The following IFT80 variants were observed in gnomAD, a reference collection of about 807,000 sequenced individuals.
IFT80 encodes intraflagellar transport protein 80 homolog.
IFT80 carries 79 observed loss-of-function variants against 107.9 expected under a neutral mutation model. That is an observed-to-expected ratio of 0.73 (90% CI 0.61 to 0.88). The LOEUF (loss-of-function observed/expected upper bound fraction) is 0.88, where lower values mean the gene tolerates loss of function less well. Ranked by LOEUF, IFT80 falls within the 40% of genes least tolerant of loss-of-function variation. IFT80 has a pLI of 0.00. For synonymous variants in IFT80, 299 were observed against 300.9 expected (o/e 0.99, Z 0.07); for missense variants, 797 against 914.2 (o/e 0.87, Z 1.65).
chr3:160,326,459 T>G (rs1224610067), intron 8 of IFT80, among the ~76,000 whole-genome samples: 1 of 152,014 alleles, frequency 6.6e-6, no homozygotes, highest in African/African-American at 2.4e-5. Flanking sequence ...CAGTAGCACA[T>G]CAAAAAGCTT....
intron 5 of IFT80, among the ~76,000 whole-genome samples, chr3:160,369,121 G>A (rs964967160): frequency 2.6e-5 from 4 of 151,806 alleles, no homozygotes; most frequent in African/African-American, 9.7e-5. Flanking sequence ...GGGACAAAGA[G>A]ATAATTCATT....
At chr3:160,316,353 A>G (rs950421109) in intron 9 of IFT80, among the ~76,000 whole-genome samples, 1 of 152,214 alleles carries the variant, frequency 6.6e-6, no homozygotes, top group Non-Finnish European at 1.5e-5. Flanking sequence ...TTGAGCCTTC[A>G]GATAAAACTA....
chr3:160,356,028 C>G lies in IFT80; in HGVS notation c.762G>C (p.Leu254Phe). ...FAVGSFHTLR[L>F]CDKTGWSYAL... ...TATAACTTACCCCAGTTTTATCACACAAGCGTAAAGTATGAAACGATCCAA... is the reference window on the plus strand; with the variant it reads ...TATAACTTACCCCAGTTTTATCACAGAAGCGTAAAGTATGAAACGATCCAA... The change falls in exon 8 of 20, where the codon TTG becomes TTC. Residue 254 changes from leucine (L) to phenylalanine (F), a missense_variant. Leu to Phe is a conservative substitution (Grantham distance 22). Transcript: ENST00000326448. 6.2e-7 allele frequency: 1 copy of G among 1,614,030 alleles called. No homozygotes were observed.
At chr3:160,261,791 G>C (rs1712857651) in intron 19 of IFT80, among the ~76,000 whole-genome samples, 1 of 138,794 alleles carries the variant, frequency 7.2e-6, no homozygotes, top group Admixed American at 7.3e-5. Context: ...AACAAAGTGA[G>C]ACCCTGTCTC....
chr3:160,322,960 C>A (rs1029506276), intron 8 of IFT80, among the ~76,000 whole-genome samples: 18 of 151,738 alleles, frequency 1.2e-4, no homozygotes, highest in South Asian at 4.2e-4. Flanking sequence ...GAGTAGGTTG[C>A]GAAAATTTTC....
At chr3:160,359,591 C>T (rs1297194058) in intron 6 of IFT80, among the ~76,000 whole-genome samples, 1 of 152,112 alleles carries the variant, frequency 6.6e-6, no homozygotes, top group Admixed American at 6.6e-5. Context: ...CCGATTGACA[C>T]CTCATACAGG....
rs16831186 is a variant in IFT80, at chr3:160,335,097, C to A, written c.778-15158G>T. Among the ~76,000 whole-genome samples the A allele has an allele frequency of 4.5e-3, 677 of 151,758 alleles. 7 individuals are homozygous for A. Among genetic ancestry groups the A allele is most frequent in the African/African-American group, 0.016 (652 of 41,404 alleles). ...CCAGGAACTATCGGATTTCTACTTA[C>A]CCTCACCAGTCTTACCCCAGGATCT... On this transcript the variant is annotated intron_variant, in intron 8 of 19. Transcript: ENST00000326448.
At chr3:160,373,946 T>C (rs1169424025) in intron 5 of IFT80, among the ~76,000 whole-genome samples, 1 of 152,134 alleles carries the variant, frequency 6.6e-6, no homozygotes, top group Non-Finnish European at 1.5e-5. Flanking sequence ...CAGCTACTGG[T>C]CTGTGGCCCA....
chr3:160,294,204 G>C (rs558382776), intron 12 of IFT80, among the ~76,000 whole-genome samples: 12 of 152,130 alleles, frequency 7.9e-5, no homozygotes, highest in South Asian at 6.2e-4. Context: ...AGTCTTGGCA[G>C]GCCTTTGTCC....
At chr3:160,334,593 T>G (rs183332678) in intron 8 of IFT80, among the ~76,000 whole-genome samples, 155 of 152,226 alleles carry the variant, frequency 1.0e-3, no homozygotes, top group Non-Finnish European at 1.4e-3. Flanking sequence ...ATTTTTGTAT[T>G]TTTAGTAGAG....
At chr3:160,363,088 G>T (rs1211294020) in intron 6 of IFT80, among the ~76,000 whole-genome samples, 1 of 152,178 alleles carries the variant, frequency 6.6e-6, no homozygotes, top group African/African-American at 2.4e-5. Flanking sequence ...GTCCCTGTTT[G>T]CAGATGACAC....
chr3:160,319,434 G>C (rs1718046582), intron 9 of IFT80, among the ~76,000 whole-genome samples: 1 of 152,040 alleles, frequency 6.6e-6, no homozygotes, highest in Admixed American at 6.6e-5. Flanking sequence ...CTTGGATTCA[G>C]CTCCAGGAGT....
chr3:160,356,089 G>C lies in IFT80; in HGVS notation c.701C>G (p.Ser234Ter), dbSNP rs369919590. The change falls in exon 8 of 20, where the codon TCA becomes TGA. Residue 234 changes from serine (S) to a stop codon, truncating the protein, a stop_gained. Transcript: ENST00000326448. LOFTEE classifies it high-confidence loss of function. ...TTCTCCATCTGGAGCCCAGGCAACT[G>C]AAGTAATGGGATGCTCATGAGGTTG... ...NSQPHEHPITSVAWAPDGELF... is the reference protein window; with the variant it reads ...NSQPHEHPIT 18 of 1,614,026 alleles carry C rather than the reference G, an allele frequency of 1.1e-5. No individual in the cohort carries two copies. The highest frequency in any genetic ancestry group is 1.5e-5 in the Non-Finnish European group (18 of 1,179,980).
intron 12 of IFT80, among the ~76,000 whole-genome samples, chr3:160,297,572 C>A (rs1171958187): frequency 6.6e-6 from 1 of 151,544 alleles, no homozygotes; most frequent in Non-Finnish European, 1.5e-5. Flanking sequence ...CTATATTCAC[C>A]AAGAAAAATC....
chr3:160,356,765 A>G (rs1721121895), intron 7 of IFT80, among the ~76,000 whole-genome samples: 1 of 152,102 alleles, frequency 6.6e-6, no homozygotes. Context: ...AAGTAACCCT[A>G]CTGCCTTGGC....
At chr3:160,265,520 G>A (rs563115038) in intron 19 of IFT80, among the ~76,000 whole-genome samples, 3 of 152,088 alleles carry the variant, frequency 2.0e-5, no homozygotes, top group Non-Finnish European at 1.5e-5. Context: ...TATTCTTTGA[G>A]TGGATTTTAT....
chr3:160,361,368 T>G (rs938289191), intron 6 of IFT80, among the ~76,000 whole-genome samples: 1 of 152,152 alleles, frequency 6.6e-6, no homozygotes, highest in Non-Finnish European at 1.5e-5. Flanking sequence ...GCACCCAGAT[T>G]CATAAAGCAA....
chr3:160,381,265 T>TA lies in IFT80; in HGVS notation c.259+237_259+238insT, dbSNP rs1559971346. 6.8e-3 allele frequency among the ~76,000 whole-genome samples: 911 copies of TA among 134,750 alleles called. 31 individuals carry two copies. Among genetic ancestry groups the TA allele is most frequent in the Middle Eastern group, 0.023 (6 of 262 alleles). The allele number at this position is 134,750 out of a possible 152,430, so 88.4% of individuals were successfully genotyped here. A position where few individuals can be genotyped will look rare whatever the true frequency, so the allele number is the denominator to read the frequency against. On this transcript the variant is annotated intron_variant, in intron 3 of 19. Coordinates refer to ENST00000326448, the MANE Select transcript of IFT80 (RefSeq NM_020800.3). The stretch of plus-strand genomic sequence containing the variant: ...ATATATATATATATATATATATATA[T>TA]TAAAGCCAAAGACCCATATTCAATC...
At chr3:160,328,925 C>T (rs1718886049) in intron 8 of IFT80, among the ~76,000 whole-genome samples, 1 of 149,478 alleles carries the variant, frequency 6.7e-6, no homozygotes, top group South Asian at 2.2e-4. Context: ...TGCTCTCATT[C>T]ATAAGAGGGA....
Sources: gnomAD v4.1 joint callset for allele counts (sites outside exome capture counted in the v4.1 genomes callset) on GRCh38, gnomAD v4.1.1 for gene constraint, MANE v1.5 for transcripts, NCBI Gene and HGNC (gene_info 2026-07-23, HGNC 2026-07-21) for gene names.